Variants in ADAMTSL1 observed in about 807,000 individuals in gnomAD.
ADAMTSL1 encodes the protein ADAMTS-like protein 1.
In ADAMTSL1, 126 loss-of-function variants were observed where a neutral mutation model predicts 201.8. The observed-to-expected ratio is 0.62, with a 90% CI of 0.54 to 0.72. The LOEUF (loss-of-function observed/expected upper bound fraction) is 0.72, where lower values mean the gene tolerates loss of function less well. Ranked by LOEUF, ADAMTSL1 falls within the 30% of genes least tolerant of loss-of-function variation. The probability of loss-of-function intolerance (pLI) is 0.00; values close to 1 mark genes in which losing one functional copy is unlikely to be tolerated. For missense variants in ADAMTSL1, 2,679 were observed against 2,277.8 expected (o/e 1.18, Z -3.59); for synonymous variants, 1,121 against 903.4 (o/e 1.24, Z -4.32).
At chr9:18,708,816 T>C (rs1832382845) in intron 14 of ADAMTSL1, among the ~76,000 whole-genome samples, 1 of 152,372 alleles carries the variant, frequency 6.6e-6, no homozygotes, top group African/African-American at 2.4e-5. Context: ...AAAAAATAGA[T>C]ACAGTAATGG....
At chr9:18,097,229 T>A (rs983276718) in intron 1 of ADAMTSL1, among the ~76,000 whole-genome samples, 1 of 152,224 alleles carries the variant, frequency 6.6e-6, no homozygotes, top group African/African-American at 2.4e-5. Context: ...AGGATAACAT[T>A]TTTGAATGTT....
intron 2 of ADAMTSL1, among the ~76,000 whole-genome samples, chr9:18,199,559 C>T (rs1012914987): frequency 6.6e-6 from 1 of 152,036 alleles, no homozygotes; most frequent in African/African-American, 2.4e-5. Context: ...ACAGTTTTAT[C>T]ATTTTCAACT....
At chr9:18,773,242 A>C (rs1367169509) in intron 17 of ADAMTSL1, among the ~76,000 whole-genome samples, 2 of 152,206 alleles carry the variant, frequency 1.3e-5, no homozygotes, top group Non-Finnish European at 2.9e-5. Flanking sequence ...AAAGTTTTAG[A>C]CATTTCAAAT....
intron 1 of ADAMTSL1, among the ~76,000 whole-genome samples, chr9:18,008,592 G>A (rs150974541): frequency 1.1e-3 from 167 of 152,000 alleles, no homozygotes; most frequent in African/African-American, 3.9e-3. Context: ...GTGGGAATTT[G>A]CTCATTACAG....
intron 2 of ADAMTSL1, among the ~76,000 whole-genome samples, chr9:18,400,221 C>G (rs1413218090): frequency 1.7e-5 from 2 of 116,700 alleles, no homozygotes; most frequent in African/African-American, 6.2e-5. Context: ...CATTATTGTC[C>G]TACTGTGATA....
intron 1 of ADAMTSL1, among the ~76,000 whole-genome samples, chr9:17,950,523 T>C (rs951664797): frequency 1.3e-5 from 2 of 151,056 alleles, no homozygotes. Flanking sequence ...TTTTAAATTT[T>C]AAATATTTAA....
At position 18,662,030 on chromosome 9, in the gene ADAMTSL1, A is replaced by C. The variant is rs747739409; in HGVS notation, c.1042A>C (p.Lys348Gln). The change falls in exon 9 of 29, where the codon AAA becomes CAA. Residue 348 changes from lysine (K) to glutamine (Q), a missense_variant. Transcript: ENST00000380548. ...CHYYPENIKP[K>Q]PKLQECNLDP... Reference sequence around the variant, plus strand: ...CTATTACCCAGAGAACATCAAACCCAAACCCAAGCTTCAGGAGTGCAACTT... The same window carrying C: ...CTATTACCCAGAGAACATCAAACCCCAACCCAAGCTTCAGGAGTGCAACTT... The C allele has an allele frequency of 3.4e-5, 55 of 1,613,986 alleles. No homozygotes were observed. The highest frequency in any genetic ancestry group is 4.3e-5 in the Non-Finnish European group (51 of 1,179,956).
chr9:18,720,377 A>G (rs557647331), intron 14 of ADAMTSL1, among the ~76,000 whole-genome samples: 3 of 152,332 alleles, frequency 2.0e-5, no homozygotes, highest in Middle Eastern at 3.4e-3. Flanking sequence ...ATGCATGCCA[A>G]GCTCTTAGCG....
intron 1 of ADAMTSL1, among the ~76,000 whole-genome samples, chr9:18,107,955 G>A (rs568529558): frequency 6.6e-6 from 1 of 152,240 alleles, no homozygotes; most frequent in Admixed American, 6.5e-5. Flanking sequence ...TTTCTGATGG[G>A]AAAATAGAAT....
intron 10 of ADAMTSL1, among the ~76,000 whole-genome samples, chr9:18,677,939 G>T (rs1295381677): frequency 6.6e-6 from 1 of 151,938 alleles, no homozygotes; most frequent in Admixed American, 6.6e-5. Context: ...AAGAATTAAG[G>T]CTCAAAAATG....
chr9:18,824,928 C>T (rs1030486177), intron 21 of ADAMTSL1, among the ~76,000 whole-genome samples: 1 of 152,056 alleles, frequency 6.6e-6, no homozygotes, highest in African/African-American at 2.4e-5. Context: ...AAACTCCTGA[C>T]CTTGTGATCT....
chr9:18,725,244 A>G (rs1010631359), intron 15 of ADAMTSL1, among the ~76,000 whole-genome samples: 1 of 152,206 alleles, frequency 6.6e-6, no homozygotes, highest in Non-Finnish European at 1.5e-5. Flanking sequence ...TGTATGGCAA[A>G]GTATCCCCCA....
chr9:18,247,587 G>GTATTT (rs1238743847), intron 2 of ADAMTSL1, among the ~76,000 whole-genome samples: 1 of 152,150 alleles, frequency 6.6e-6, no homozygotes, highest in East Asian at 1.9e-4. Flanking sequence ...AATGATGGTT[G>GTATTT]TATTTTATTT....
intron 2 of ADAMTSL1, among the ~76,000 whole-genome samples, chr9:18,356,922 G>A (rs974403324): frequency 6.6e-6 from 1 of 152,108 alleles, no homozygotes; most frequent in African/African-American, 2.4e-5. Context: ...TGAGTTTAAA[G>A]TCCATCACTC....
intron 1 of ADAMTSL1, among the ~76,000 whole-genome samples, chr9:18,487,446 C>G (rs929674244): frequency 2.6e-5 from 4 of 152,176 alleles, no homozygotes; most frequent in Admixed American, 2.0e-4. Flanking sequence ...GTCCTTCTGA[C>G]TTTCATTCTA....
At chr9:18,841,329 TG>T (rs1825702483) in intron 23 of ADAMTSL1, among the ~76,000 whole-genome samples, 1 of 152,118 alleles carries the variant, frequency 6.6e-6, no homozygotes, top group African/African-American at 2.4e-5. Flanking sequence ...GTTTATATGC[TG>T]GATTACATTT....
chr9:18,701,141 A>G (rs1330009286), intron 13 of ADAMTSL1, among the ~76,000 whole-genome samples: 2 of 152,088 alleles, frequency 1.3e-5, no homozygotes, highest in Non-Finnish European at 2.9e-5. Context: ...CTCAAAGTCA[A>G]TGAAAGGCTA....
chr9:17,934,365 T>C (rs1049400170), intron 1 of ADAMTSL1, among the ~76,000 whole-genome samples: 1 of 152,180 alleles, frequency 6.6e-6, no homozygotes, highest in African/African-American at 2.4e-5. Context: ...TACTTCCACC[T>C]TTTTATGACC....
chr9:18,316,407 A>G (rs1014073771), intron 2 of ADAMTSL1, among the ~76,000 whole-genome samples: 1 of 152,066 alleles, frequency 6.6e-6, no homozygotes, highest in Non-Finnish European at 1.5e-5. Flanking sequence ...TCTTGACCAT[A>G]AGAGACGGGC....
Sources: gnomAD v4.1 joint callset for allele counts (sites outside exome capture counted in the v4.1 genomes callset) on GRCh38, gnomAD v4.1.1 for gene constraint, MANE v1.5 for transcripts, NCBI Gene and HGNC (gene_info 2026-07-23, HGNC 2026-07-21) for gene names.